The following EPB41L2 variants were observed in gnomAD, a reference collection of about 807,000 sequenced individuals.
EPB41L2 encodes the protein erythrocyte membrane protein band 4.1 like 2.
Under a neutral mutation model 113.0 loss-of-function variants are expected in EPB41L2, and 43 were observed. The ratio of observed to expected loss-of-function variants is 0.38; its 90% CI spans 0.30 to 0.49. The LOEUF (loss-of-function observed/expected upper bound fraction) is 0.49, where lower values mean the gene tolerates loss of function less well. EPB41L2 is among the 20% of genes least tolerant of loss of function. The pLI is 0.95. For missense variants in EPB41L2, 1,147 were observed against 1,223.4 expected, an observed-to-expected ratio of 0.94 and a Z score of 0.93; for synonymous variants, 442 against 436.7, an observed-to-expected ratio of 1.01 and a Z score of -0.15.
chr6:130,927,895 T>A (rs1456907898), intron 3 of EPB41L2, among the ~76,000 whole-genome samples: 3 of 151,984 alleles, frequency 2.0e-5, no homozygotes, highest in Non-Finnish European at 4.4e-5. Flanking sequence ...GAGTTCAAGA[T>A]CAGCCTGGGC....
At chr6:130,869,111 A>G (rs1784831241) in intron 15 of EPB41L2, among the ~76,000 whole-genome samples, 1 of 152,236 alleles carries the variant, frequency 6.6e-6, no homozygotes, top group African/African-American at 2.4e-5. Flanking sequence ...GAATGAGCCA[A>G]GAAGTCAAAC....
chr6:130,857,396 A>C (rs902983726), intron 19 of EPB41L2, among the ~76,000 whole-genome samples: 8 of 152,138 alleles, frequency 5.3e-5, no homozygotes, highest in Admixed American at 5.2e-4. Context: ...TTCTTAATAT[A>C]CTCAGGATAC....
chr6:130,992,892 G>A (rs1782215079), intron 1 of EPB41L2, among the ~76,000 whole-genome samples: 1 of 152,088 alleles, frequency 6.6e-6, no homozygotes, highest in Non-Finnish European at 1.5e-5. Flanking sequence ...CCAAAGTGCT[G>A]GGATTACAGG....
chr6:131,057,081 A>G (rs1393658691), intron 1 of EPB41L2, among the ~76,000 whole-genome samples: 3 of 152,196 alleles, frequency 2.0e-5, no homozygotes, highest in Non-Finnish European at 1.5e-5. Flanking sequence ...AAAAAAGAGA[A>G]AAACAAAATA....
chr6:130,919,931 C>T (rs1802339673), intron 4 of EPB41L2, among the ~76,000 whole-genome samples: 1 of 152,162 alleles, frequency 6.6e-6, no homozygotes, highest in Admixed American at 6.5e-5. Context: ...AATGCTTTTA[C>T]CCTCTATTTC....
chr6:130,849,688 C>T (rs1402357466), intron 19 of EPB41L2, among the ~76,000 whole-genome samples: 1 of 152,162 alleles, frequency 6.6e-6, no homozygotes, highest in Admixed American at 6.5e-5. Flanking sequence ...GTGTGTCTGT[C>T]CCTGTGTGTA....
At chr6:131,048,560 G>A (rs1795939227) in intron 1 of EPB41L2, among the ~76,000 whole-genome samples, 1 of 152,132 alleles carries the variant, frequency 6.6e-6, no homozygotes, top group African/African-American at 2.4e-5. Flanking sequence ...GGGGAGCAGG[G>A]GAATCTCACT....
In EPB41L2 at chr6:130,840,577, G is replaced by A. The variant is rs1775132775; in HGVS notation, c.*27C>T. On this transcript the variant is annotated 3_prime_UTR_variant, in exon 20 of 20. Coordinates refer to ENST00000337057, the MANE Select transcript of EPB41L2 (RefSeq NM_001431.4). ...AATCTTCAGGGGTTCACAAAGTTGA[G>A]TGTTGTTTAAAAAATGACTTTCTAG... 6.9e-6 allele frequency: 1 copy of A among 145,380 alleles called. No individual in the cohort carries two copies. The highest frequency in any genetic ancestry group is 2.1e-4 in the East Asian group (1 of 4,794). 9.0% of individuals were successfully genotyped at this position (145,380 alleles called of 1,614,324 possible). A position where few individuals can be genotyped will look rare whatever the true frequency, so the allele number is the denominator to read the frequency against.
At chr6:131,012,465 C>T (rs1054151361) in intron 1 of EPB41L2, among the ~76,000 whole-genome samples, 4 of 145,472 alleles carry the variant, frequency 2.7e-5, no homozygotes, top group African/African-American at 5.2e-5. Context: ...ATGTCCCCTA[C>T]GGAACATCAC....
intron 1 of EPB41L2, among the ~76,000 whole-genome samples, chr6:131,051,950 T>TC (rs1479824203): frequency 6.6e-6 from 1 of 151,446 alleles, no homozygotes; most frequent in East Asian, 1.9e-4. Context: ...TTTCTTTTTT[T>TC]TTTTGAGACG....
At chr6:131,055,568 T>A (rs1797429339) in intron 1 of EPB41L2, among the ~76,000 whole-genome samples, 1 of 152,196 alleles carries the variant, frequency 6.6e-6, no homozygotes, top group African/African-American at 2.4e-5. Context: ...ATACTGCAGA[T>A]GCCAACAAAT....
intron 3 of EPB41L2, among the ~76,000 whole-genome samples, chr6:130,949,113 A>T (rs1813925573): frequency 6.6e-6 from 1 of 152,224 alleles, no homozygotes; most frequent in Non-Finnish European, 1.5e-5. Flanking sequence ...AAAATTGACT[A>T]TATATTTCAA....
intron 3 of EPB41L2, among the ~76,000 whole-genome samples, chr6:130,945,448 A>G (rs982615024): frequency 2.0e-5 from 3 of 152,154 alleles, no homozygotes; most frequent in African/African-American, 7.2e-5. Flanking sequence ...CTAAGAAAAA[A>G]CGGTACTGAC....
At chr6:130,962,625 T>C (rs1260947470) in intron 1 of EPB41L2, among the ~76,000 whole-genome samples, 3 of 152,200 alleles carry the variant, frequency 2.0e-5, no homozygotes, top group Admixed American at 6.6e-5. Context: ...GCTATTACTA[T>C]AAAGATGTAA....
In EPB41L2 at chr6:130,979,164, G is replaced by C. The variant is rs140629293; in HGVS notation, c.-14-22665C>G. ...GTATTTCTGGAAGATGACTTTGGCAGCCACATGAGACCAACTGACACAATG... is the reference window on the plus strand; with the variant it reads ...GTATTTCTGGAAGATGACTTTGGCACCCACATGAGACCAACTGACACAATG... On this transcript the variant is annotated intron_variant, in intron 1 of 19. Transcript: ENST00000337057. Among the ~76,000 whole-genome samples, 764 of 152,194 alleles carry C rather than the reference G, an allele frequency of 5.0e-3. 5 individuals carry two copies. Among genetic ancestry groups the C allele is most frequent in the African/African-American group, 0.017 (726 of 41,552 alleles).
intron 1 of EPB41L2, among the ~76,000 whole-genome samples, chr6:131,018,760 A>G (rs1014209881): frequency 6.6e-6 from 1 of 152,180 alleles, no homozygotes; most frequent in African/African-American, 2.4e-5. Context: ...TAGACCAATC[A>G]GTGGATGTTT....
At chr6:130,929,995 A>G (rs896829218) in intron 3 of EPB41L2, among the ~76,000 whole-genome samples, 4 of 152,078 alleles carry the variant, frequency 2.6e-5, no homozygotes, top group Non-Finnish European at 4.4e-5. Context: ...TATATTTGCC[A>G]AAGTTATTTT....
intron 1 of EPB41L2, among the ~76,000 whole-genome samples, chr6:131,058,594 A>C (rs1280441565): frequency 4.6e-5 from 7 of 152,258 alleles, no homozygotes; most frequent in African/African-American, 1.7e-4. Flanking sequence ...GAATTAATTC[A>C]TCAAATATTT....
intron 1 of EPB41L2, among the ~76,000 whole-genome samples, chr6:130,992,300 A>G (rs1330399238): frequency 1.3e-5 from 2 of 152,128 alleles, no homozygotes; most frequent in Non-Finnish European, 2.9e-5. Flanking sequence ...TCAAATTCCT[A>G]TCACCAGCAT....
Sources: allele counts gnomAD v4.1 joint callset (sites outside exome capture counted in the v4.1 genomes callset), GRCh38; gene constraint gnomAD v4.1.1; transcripts MANE v1.5; gene names NCBI Gene and HGNC (gene_info 2026-07-23, HGNC 2026-07-21).